The following SIPA1L3 variants were observed in gnomAD, a reference collection of about 807,000 sequenced individuals.
The protein encoded by SIPA1L3 is signal-induced proliferation-associated 1-like protein 3.
Under a neutral mutation model 150.1 loss-of-function variants are expected in SIPA1L3, and 59 were observed. The observed-to-expected ratio is 0.39, with a 90% CI of 0.32 to 0.49. SIPA1L3 has a LOEUF of 0.49. Among genes scored for constraint, SIPA1L3 ranks in the 20% least tolerant of loss-of-function variants. The pLI is 0.86. For missense variants in SIPA1L3, 2,211 were observed against 2,489.5 expected (o/e 0.89, Z 2.38); for synonymous variants, 1,070 against 1,077.6 (o/e 0.99, Z 0.14).
At chr19:38,110,020 T>G in intron 7 of SIPA1L3, 1 of 559,552 alleles carries the variant, frequency 1.8e-6, no homozygotes, top group South Asian at 2.3e-5. Flanking sequence ...GAGGAAGTGT[T>G]TCTGGCCATG....
intron 1 of SIPA1L3, among the ~76,000 whole-genome samples, chr19:37,975,630 G>C (rs562820069): frequency 2.3e-3 from 355 of 152,282 alleles, no homozygotes; most frequent in African/African-American, 8.2e-3. Flanking sequence ...GGCTCTATAG[G>C]TTTAATTAGT....
intron 1 of SIPA1L3, among the ~76,000 whole-genome samples, chr19:37,934,498 T>C (rs1192645403): frequency 6.6e-6 from 1 of 152,114 alleles, no homozygotes; most frequent in Non-Finnish European, 1.5e-5. Context: ...ATCTGGAAAA[T>C]GGGGATAATT....
rs554112113 is a variant in SIPA1L3 at position 37,963,679 on chromosome 19, G to A, written c.-379+56321G>A. Among the ~76,000 whole-genome samples the A allele has an allele frequency of 3.9e-5, 6 of 152,310 alleles. 1 individual carries two copies. In the South Asian group the frequency reaches 1.2e-3, roughly 32 times the overall value. On this transcript the variant is annotated intron_variant, in intron 1 of 21. Transcript: ENST00000222345. ...CTTCTTGGGTAGTTATATGCCTTTG[G>A]TTGATTTCTAGAATCCTCAAATGGT...
chr19:38,000,434 T>C (rs1161728669), intron 1 of SIPA1L3, among the ~76,000 whole-genome samples: 1 of 147,670 alleles, frequency 6.8e-6, no homozygotes, highest in Non-Finnish European at 1.5e-5. Flanking sequence ...CGCTACTGCA[T>C]TCCAGCCTGG....
chr19:38,182,136 CAA>C (rs4006822), intron 15 of SIPA1L3, among the ~76,000 whole-genome samples: 1 of 130,094 alleles, frequency 7.7e-6, no homozygotes, highest in Non-Finnish European at 1.6e-5. Context: ...GACCCTGTCT[CAA>C]AAAAAAAAAA....
chr19:37,914,127 G>T (rs1421558118), intron 1 of SIPA1L3, among the ~76,000 whole-genome samples: 2 of 152,058 alleles, frequency 1.3e-5, no homozygotes, highest in Non-Finnish European at 2.9e-5. Flanking sequence ...TGGCTGATGG[G>T]GCAAGATGGC....
chr19:38,101,732 C>T (rs1483225166), intron 6 of SIPA1L3, among the ~76,000 whole-genome samples: 1 of 152,140 alleles, frequency 6.6e-6, no homozygotes, highest in East Asian at 1.9e-4. Flanking sequence ...CTTTGGAAAA[C>T]AGTACAGCAC....
At position 38,046,879 on chromosome 19, in the gene SIPA1L3, G is replaced by T. The variant is rs1969072419; in HGVS notation, c.-311+17723G>T. On this transcript the variant is annotated intron_variant, in intron 2 of 21. Coordinates refer to ENST00000222345, the MANE Select transcript of SIPA1L3 (RefSeq NM_015073.3). The surrounding 1 kb of genome is among the most constrained non-coding windows in gnomAD (Gnocchi z 5.6). ...GGGGGCTCTCTTTGAGAGCACTTGG[G>T]TGTATCGTGTCTCAGAAAACCCACA... Among the ~76,000 whole-genome samples, 1 of 152,198 alleles carries T rather than the reference G, an allele frequency of 6.6e-6. No individual in the cohort carries two copies. Among genetic ancestry groups the T allele is most frequent in the African/African-American group, 2.4e-5 (1 of 41,452 alleles).
intron 1 of SIPA1L3, among the ~76,000 whole-genome samples, chr19:37,911,867 G>A (rs1401103023): frequency 1.3e-5 from 2 of 151,650 alleles, no homozygotes; most frequent in Admixed American, 6.6e-5. Context: ...TCAGGAGATC[G>A]AGACCATCCT....
At chr19:38,002,605 C>A (rs927693477) in intron 1 of SIPA1L3, among the ~76,000 whole-genome samples, 1 of 149,814 alleles carries the variant, frequency 6.7e-6, no homozygotes, top group Non-Finnish European at 1.5e-5. Flanking sequence ...TGGTGGCGTG[C>A]GCCTGTAATC....
rs551270404 is a variant in SIPA1L3 at position 37,968,371 on chromosome 19, C to T, written c.-378-60718C>T. On this transcript the variant is annotated intron_variant, in intron 1 of 21. Transcript: ENST00000222345. ...ACAGGCATGAGCCACCGCGCCCGGC[C>T]GGCCTCATCTCTTAATGGGACAATT... 5.2e-4 allele frequency among the ~76,000 whole-genome samples: 79 copies of T among 152,196 alleles called. 1 individual carries two copies. The highest frequency in any genetic ancestry group is 3.4e-3 in the Middle Eastern group (1 of 294).
At chr19:38,055,208 G>A (rs765824814) in intron 2 of SIPA1L3, among the ~76,000 whole-genome samples, 2 of 152,164 alleles carry the variant, frequency 1.3e-5, no homozygotes, top group African/African-American at 2.4e-5. Context: ...CCAGTAAGCC[G>A]TGGCTTCAGT....
chr19:38,042,808 A>T (rs1196387050), intron 2 of SIPA1L3, among the ~76,000 whole-genome samples: 2 of 152,240 alleles, frequency 1.3e-5, no homozygotes, highest in African/African-American at 2.4e-5. Context: ...GTTCTCTCAC[A>T]TCCCCAGCTT....
rs182239564 is a variant in SIPA1L3 at position 38,075,918 on chromosome 19, C to T, written c.-310-5338C>T. Among the ~76,000 whole-genome samples, 30 of 152,220 alleles carry T rather than the reference C, an allele frequency of 2.0e-4. No individual in the cohort carries two copies. The East Asian group carries it at 4.4e-3, about 23-fold the overall frequency. Reference sequence around the variant, plus strand: ...CAGCACTTTGGGAAGCCGAGGTAGGCGGATCACAAGGTCAGGAGATCAAGA... The same window carrying T: ...CAGCACTTTGGGAAGCCGAGGTAGGTGGATCACAAGGTCAGGAGATCAAGA... On this transcript the variant is annotated intron_variant, in intron 2 of 21. Coordinates refer to ENST00000222345, the MANE Select transcript of SIPA1L3 (RefSeq NM_015073.3).
Position 38,206,201 on chromosome 19 carries a change from G to C in SIPA1L3, c.5307G>C (p.Lys1769Asn). 1 of 1,562,004 alleles carries C rather than the reference G, an allele frequency of 6.4e-7. No individual in the cohort carries two copies. Among genetic ancestry groups the C allele is most frequent in the South Asian group, 1.2e-5 (1 of 84,534 alleles). The change falls in exon 22 of 22, where the codon AAG becomes AAC. Residue 1769 changes from lysine to asparagine, a missense_variant. By Grantham distance (94) the Lys-to-Asn change is moderately conservative. Coordinates refer to ENST00000222345, the MANE Select transcript of SIPA1L3 (RefSeq NM_015073.3). ...ESQAASEQLRKFAEIFCREKK... is the reference protein window; with the variant it reads ...ESQAASEQLRNFAEIFCREKK... ...AGGCCGCCAGCGAGCAGCTGCGCAA[G>C]TTTGCGGAGATCTTCTGCAGGGAGA...
chr19:38,164,375 C>G lies in SIPA1L3; in HGVS notation c.3781-104C>G, dbSNP rs1260121145. The G allele has an allele frequency of 5.6e-6, 6 of 1,074,338 alleles. No individual in the cohort carries two copies. In the African/African-American group the frequency reaches 8.0e-5, roughly 14 times the overall value. The allele number at this position is 1,074,338 out of a possible 1,614,324, so 66.6% of individuals were successfully genotyped here. A position where few individuals can be genotyped will look rare whatever the true frequency, so the allele number is the denominator to read the frequency against. ...GTAGATGAGAAGCCAGGATTTGAAG[C>G]TGTCTGGTCCCAGGGTTCAGGCCCA... is the stretch of plus-strand genomic sequence containing the variant. On this transcript the variant is annotated intron_variant, in intron 14 of 21. Coordinates refer to ENST00000222345, the MANE Select transcript of SIPA1L3 (RefSeq NM_015073.3). This position sits in a 1 kb window ranked among gnomAD's most constrained non-coding sequence, Gnocchi z 4.1.
At chr19:37,964,279 T>A (rs2046883666) in intron 1 of SIPA1L3, 1 of 152,072 alleles carries the variant, frequency 6.6e-6, no homozygotes, top group Non-Finnish European at 1.5e-5. Flanking sequence ...GGTGCATGCC[T>A]GTGGTCTGAG....
intron 1 of SIPA1L3, among the ~76,000 whole-genome samples, chr19:37,914,574 A>G (rs1464121237): frequency 1.3e-5 from 2 of 151,816 alleles, no homozygotes; most frequent in African/African-American, 4.8e-5. Context: ...GACAGGTTAC[A>G]CCATGTTGGC....
chr19:37,927,023 TAGATTC>T (rs2046509813), intron 1 of SIPA1L3, among the ~76,000 whole-genome samples: 1 of 151,936 alleles, frequency 6.6e-6, no homozygotes, highest in Non-Finnish European at 1.5e-5. Context: ...TTTTTTTTTT[TAGATTC>T]AGAGGGTACA....
Sources: allele counts gnomAD v4.1 joint callset (sites outside exome capture counted in the v4.1 genomes callset), GRCh38; gene constraint gnomAD v4.1.1; non-coding constraint Gnocchi (gnomAD v3.1); transcripts MANE v1.5; gene names NCBI Gene and HGNC (gene_info 2026-07-23, HGNC 2026-07-21).